The following CEP170 variants were observed in gnomAD, a reference collection of about 807,000 sequenced individuals.
CEP170 encodes the protein centrosomal protein of 170 kDa.
Under a neutral mutation model 151.9 loss-of-function variants are expected in CEP170, and 21 were observed. The observed-to-expected ratio is 0.14, with a 90% CI of 0.10 to 0.20. The LOEUF (loss-of-function observed/expected upper bound fraction) is 0.20, where lower values mean the gene tolerates loss of function less well. Among genes scored for constraint, CEP170 ranks in the 10% least tolerant of loss-of-function variants. The pLI, the probability that CEP170 is intolerant of heterozygous loss-of-function variation, is 1.00. For synonymous variants in CEP170, 356 were observed against 648.8 expected, an observed-to-expected ratio of 0.55 and a Z score of 6.86; for missense variants, 964 against 1,892.9, an observed-to-expected ratio of 0.51 and a Z score of 9.11.
chr1:243,212,865 A>G (rs2061945864), intron 3 of CEP170, among the ~76,000 whole-genome samples: 1 of 151,986 alleles, frequency 6.6e-6, no homozygotes, highest in African/African-American at 2.4e-5. Context: ...AGGTCTCCCT[A>G]TGTTGCCCAG....
At chr1:243,253,726 C>T (rs530877619) in intron 1 of CEP170, among the ~76,000 whole-genome samples, 3 of 152,260 alleles carry the variant, frequency 2.0e-5, no homozygotes, top group African/African-American at 7.2e-5. Flanking sequence ...TCCACCTGCT[C>T]CTCCCCATCC....
chr1:243,221,233 C>T (rs1205003006), intron 3 of CEP170, among the ~76,000 whole-genome samples: 2 of 152,316 alleles, frequency 1.3e-5, no homozygotes, highest in East Asian at 3.9e-4. Flanking sequence ...CCGTGTTAGC[C>T]AGGATGGTCT....
chr1:243,199,952 TAC>T (rs1354507849), intron 6 of CEP170, among the ~76,000 whole-genome samples: 3 of 151,940 alleles, frequency 2.0e-5, no homozygotes, highest in Non-Finnish European at 2.9e-5. Flanking sequence ...TAAGGTAAAC[TAC>T]ACAGTTAACC....
At position 243,221,913 on chromosome 1, in the gene CEP170, A is replaced by T. The variant is rs1385614954; in HGVS notation, c.106-100T>A. 3 of 983,376 alleles carry T rather than the reference A, an allele frequency of 3.1e-6. No individual in the cohort carries two copies. In the African/African-American group the frequency reaches 5.0e-5, roughly 17 times the overall value. The allele number at this position is 983,376 out of a possible 1,614,324, so 60.9% of individuals were successfully genotyped here. On this transcript the variant is annotated intron_variant, in intron 2 of 19. Coordinates refer to ENST00000366542, the MANE Select transcript of CEP170 (RefSeq NM_014812.3). Reference sequence around the variant, plus strand: ...CTAATATTAATAGGACAGTAAATATAGGGAAATATCAAAGTAAGTGTGGAT... The same window carrying T: ...CTAATATTAATAGGACAGTAAATATTGGGAAATATCAAAGTAAGTGTGGAT...
chr1:243,245,043 T>C (rs941738769), intron 1 of CEP170, among the ~76,000 whole-genome samples: 1 of 152,180 alleles, frequency 6.6e-6, no homozygotes, highest in African/African-American at 2.4e-5. Context: ...CAGTATCTGT[T>C]ACCCAAAAGT....
At position 243,135,357 on chromosome 1, in the gene CEP170, C is replaced by T. The variant is rs572825197; in HGVS notation, c.4319+786G>A. Among the ~76,000 whole-genome samples, 36 of 152,210 alleles carry T rather than the reference C, an allele frequency of 2.4e-4. No homozygotes were observed. In the South Asian group the frequency reaches 6.6e-3, roughly 28 times the overall value. On this transcript the variant is annotated intron_variant, in intron 17 of 19. Transcript: ENST00000366542. ...GAGTAACTGGGACTACAGGCGCCCGCCACCACGCCCGGCTAATTTTTTTGA... is the reference window on the plus strand; with the variant it reads ...GAGTAACTGGGACTACAGGCGCCCGTCACCACGCCCGGCTAATTTTTTTGA...
chr1:243,152,183 A>C (rs2057145234), intron 14 of CEP170, among the ~76,000 whole-genome samples: 1 of 151,938 alleles, frequency 6.6e-6, no homozygotes, highest in Non-Finnish European at 1.5e-5. Context: ...ATACCTGCTA[A>C]CATCCATTCT....
At chr1:243,202,963 A>T (rs1185797475) in intron 4 of CEP170, among the ~76,000 whole-genome samples, 2 of 152,094 alleles carry the variant, frequency 1.3e-5, no homozygotes. Context: ...CTTTAAACCT[A>T]GACACTCTTC....
intron 1 of CEP170, among the ~76,000 whole-genome samples, chr1:243,236,099 C>A (rs1283805305): frequency 6.6e-6 from 1 of 152,206 alleles, no homozygotes; most frequent in Admixed American, 6.5e-5. Context: ...GTGCTAATTG[C>A]TTCTATTAAT....
chr1:243,145,278 CTTAT>C (rs2056330988), intron 14 of CEP170, among the ~76,000 whole-genome samples: 2 of 152,128 alleles, frequency 1.3e-5, no homozygotes, highest in South Asian at 4.2e-4. Flanking sequence ...AAAAATTTGC[CTTAT>C]TATTATTTTT....
At chr1:243,201,813 C>G (rs1016669951) in intron 4 of CEP170, among the ~76,000 whole-genome samples, 12 of 152,082 alleles carry the variant, frequency 7.9e-5, no homozygotes, top group African/African-American at 2.4e-4. Flanking sequence ...AAATAAAGAA[C>G]CTGGGTAATG....
chr1:243,208,739 T>A (rs1433893607), intron 4 of CEP170, among the ~76,000 whole-genome samples: 1 of 151,928 alleles, frequency 6.6e-6, no homozygotes, highest in Admixed American at 6.6e-5. Context: ...CCACTTTCAC[T>A]TTTTTCCATA....
chr1:243,255,050 G>A lies in CEP170; in HGVS notation c.-52C>T, dbSNP rs982433971. ...GATCGCATCACTTACCCCTTACCGT[G>A]GAGAGAGGGACCGGACGGGGGAGGC... On this transcript the variant is annotated 5_prime_UTR_variant, in exon 1 of 20. Transcript: ENST00000366542. The A allele has an allele frequency of 6.6e-6, 1 of 152,442 alleles. No individual in the cohort carries two copies. The highest frequency in any genetic ancestry group is 3.1e-3 in the Middle Eastern group (1 of 318). 9.4% of individuals were successfully genotyped at this position (152,442 alleles called of 1,614,324 possible).
intron 1 of CEP170, among the ~76,000 whole-genome samples, chr1:243,244,575 T>C (rs1376254488): frequency 1.3e-5 from 2 of 152,030 alleles, no homozygotes; most frequent in Non-Finnish European, 1.5e-5. Context: ...AAACCCCATC[T>C]TTACCAAAAA....
At chr1:243,151,469 A>G (rs571490429) in intron 14 of CEP170, among the ~76,000 whole-genome samples, 27 of 151,784 alleles carry the variant, frequency 1.8e-4, no homozygotes, top group Admixed American at 5.9e-4. Context: ...GCTGATATGG[A>G]CAAGGTCTGA....
chr1:243,245,771 CA>C (rs2065325481), intron 1 of CEP170, among the ~76,000 whole-genome samples: 1 of 151,234 alleles, frequency 6.6e-6, no homozygotes, highest in Admixed American at 6.6e-5. Flanking sequence ...AAAAAAAACA[CA>C]AAAAAGAAAA....
At chr1:243,205,911 C>T (rs1273810776) in intron 4 of CEP170, among the ~76,000 whole-genome samples, 1 of 118,966 alleles carries the variant, frequency 8.4e-6, no homozygotes, top group East Asian at 2.4e-4. Context: ...AAGGGAGGAA[C>T]AAAAAAACAA....
intron 1 of CEP170, among the ~76,000 whole-genome samples, chr1:243,245,783 G>C (rs1487331459): frequency 6.6e-6 from 1 of 151,362 alleles, no homozygotes; most frequent in Non-Finnish European, 1.5e-5. Flanking sequence ...AAAAAGAAAA[G>C]AAAACAAAAA....
At chr1:243,136,456 C>T (rs530742365) in intron 16 of CEP170, among the ~76,000 whole-genome samples, 11 of 152,174 alleles carry the variant, frequency 7.2e-5, no homozygotes, top group Admixed American at 2.0e-4. Flanking sequence ...TCAAAGTTTC[C>T]GTATTATTTT....
Sources: gnomAD v4.1 joint callset for allele counts (sites outside exome capture counted in the v4.1 genomes callset) on GRCh38, gnomAD v4.1.1 for gene constraint, MANE v1.5 for transcripts, NCBI Gene and HGNC (gene_info 2026-07-23, HGNC 2026-07-21) for gene names.